The following LHFPL3 variants were observed in gnomAD, a reference collection of about 807,000 sequenced individuals.
LHFPL3 encodes LHFPL tetraspan subfamily member 3 protein.
In LHFPL3, 5 loss-of-function variants were observed where a neutral mutation model predicts 19.3. The observed-to-expected ratio is 0.26, with a 90% CI of 0.14 to 0.54. The LOEUF (loss-of-function observed/expected upper bound fraction) is 0.54. Ranked by LOEUF, LHFPL3 falls within the 20% of genes least tolerant of loss-of-function variation. The pLI is 0.94. For synonymous variants in LHFPL3, 133 were observed against 126.2 expected (o/e 1.05, Z -0.36); for missense variants, 249 against 307.4 (o/e 0.81, Z 1.42).
chr7:104,400,097 T>TC (rs1050161252), intron 1 of LHFPL3, among the ~76,000 whole-genome samples: 5 of 29,148 alleles, frequency 1.7e-4, no homozygotes, highest in African/African-American at 5.7e-4. Flanking sequence ...AGATCAAAAC[T>TC]CCATCTCAAA....
At chr7:104,693,300 T>G (rs1237282895) in intron 1 of LHFPL3, among the ~76,000 whole-genome samples, 1 of 152,174 alleles carries the variant, frequency 6.6e-6, no homozygotes, top group Non-Finnish European at 1.5e-5. Context: ...ACTTTTGGGT[T>G]AATGCTGGAA....
chr7:104,600,001 A>G (rs1425099588), intron 1 of LHFPL3, among the ~76,000 whole-genome samples: 3 of 152,186 alleles, frequency 2.0e-5, no homozygotes, highest in African/African-American at 7.2e-5. Context: ...CCAGCCTTGT[A>G]GCTTCCCCTT....
intron 2 of LHFPL3, chr7:104,798,434 A>G (rs1489224096): frequency 1.3e-5 from 2 of 152,226 alleles, no homozygotes; most frequent in Non-Finnish European, 2.9e-5. Context: ...AAAAATTTTA[A>G]GCATCACATT....
intron 1 of LHFPL3, among the ~76,000 whole-genome samples, chr7:104,666,574 T>G (rs1321801731): frequency 2.5e-5 from 3 of 121,584 alleles, no homozygotes; most frequent in Non-Finnish European, 3.3e-5. Flanking sequence ...CAGGCTGGAG[T>G]GCAGTGGCGG....
chr7:104,869,042 G>A (rs1343916609), intron 2 of LHFPL3, among the ~76,000 whole-genome samples: 1 of 152,130 alleles, frequency 6.6e-6, no homozygotes, highest in African/African-American at 2.4e-5. Flanking sequence ...GCTGAAACTG[G>A]ATCCCTTCCT....
chr7:104,891,164 A>G (rs759512106), intron 2 of LHFPL3, among the ~76,000 whole-genome samples: 7 of 151,650 alleles, frequency 4.6e-5, no homozygotes, highest in Non-Finnish European at 7.4e-5. Context: ...TTGTGTTGCT[A>G]TAACAGAATA....
chr7:104,734,971 G>T (rs1341985510), intron 1 of LHFPL3, among the ~76,000 whole-genome samples: 1 of 152,192 alleles, frequency 6.6e-6, no homozygotes, highest in African/African-American at 2.4e-5. Flanking sequence ...GTTGGAGTTT[G>T]CTGGAAGTCC....
At chr7:104,329,436 C>G (rs1801529200) in intron 1 of LHFPL3, among the ~76,000 whole-genome samples, 2 of 152,240 alleles carry the variant, frequency 1.3e-5, no homozygotes, top group Admixed American at 1.3e-4. Flanking sequence ...CCGGGGCTTT[C>G]GTGAGCCTCC....
intron 1 of LHFPL3, among the ~76,000 whole-genome samples, chr7:104,607,562 G>T (rs1217599338): frequency 6.6e-6 from 1 of 152,090 alleles, no homozygotes; most frequent in Non-Finnish European, 1.5e-5. Flanking sequence ...AAGATCCAGG[G>T]GTTATTGAAA....
intron 2 of LHFPL3, among the ~76,000 whole-genome samples, chr7:104,759,471 A>T (rs1241377060): frequency 6.6e-6 from 1 of 152,104 alleles, no homozygotes; most frequent in Non-Finnish European, 1.5e-5. Flanking sequence ...TATAAATTAA[A>T]TTTTTTTCAT....
intron 2 of LHFPL3, among the ~76,000 whole-genome samples, chr7:104,837,747 T>C (rs1017887220): frequency 2.6e-5 from 4 of 152,180 alleles, no homozygotes; most frequent in Non-Finnish European, 4.4e-5. Context: ...CTGCACCCTA[T>C]AGAAAGTGCC....
At chr7:104,602,753 T>C (rs541252189) in intron 1 of LHFPL3, among the ~76,000 whole-genome samples, 1 of 152,284 alleles carries the variant, frequency 6.6e-6, no homozygotes, top group Admixed American at 6.5e-5. Flanking sequence ...TAAACAGAAA[T>C]GTATTTGGCT....
intron 2 of LHFPL3, chr7:104,896,147 C>G (rs1792354082): frequency 6.6e-6 from 1 of 152,270 alleles, no homozygotes. Flanking sequence ...AAGGCGCTAT[C>G]TCCAAATACA....
At chr7:104,335,672 C>T (rs1250687571) in intron 1 of LHFPL3, among the ~76,000 whole-genome samples, 1 of 151,892 alleles carries the variant, frequency 6.6e-6, no homozygotes, top group East Asian at 1.9e-4. Context: ...TTCTATATTT[C>T]CGTAAGTAAA....
intron 2 of LHFPL3, among the ~76,000 whole-genome samples, chr7:104,882,982 A>G (rs888604959): frequency 1.3e-5 from 2 of 152,220 alleles, no homozygotes; most frequent in Non-Finnish European, 2.9e-5. Context: ...GTCCTGAGCA[A>G]ACCACGCAAT....
chr7:104,431,497 A>G (rs568850399), intron 1 of LHFPL3, among the ~76,000 whole-genome samples: 1 of 152,232 alleles, frequency 6.6e-6, no homozygotes, highest in African/African-American at 2.4e-5. Context: ...AGGACAGTAC[A>G]CTTTTCTCAC....
At chr7:104,458,519 C>A (rs370723458) in intron 1 of LHFPL3, among the ~76,000 whole-genome samples, 6 of 152,008 alleles carry the variant, frequency 3.9e-5, no homozygotes, top group African/African-American at 1.2e-4. Flanking sequence ...GTTACTGTAG[C>A]CTTGTAGTAT....
intron 1 of LHFPL3, among the ~76,000 whole-genome samples, chr7:104,417,091 A>G (rs527898602): frequency 2.6e-5 from 4 of 152,340 alleles, no homozygotes; most frequent in Admixed American, 2.6e-4. Context: ...GACACGTTCA[A>G]ACCATAGGGG....
intron 1 of LHFPL3, among the ~76,000 whole-genome samples, chr7:104,420,730 T>G (rs533839003): frequency 3.6e-4 from 55 of 152,176 alleles, no homozygotes; most frequent in Non-Finnish European, 5.0e-4. Flanking sequence ...CGGCTAATTT[T>G]TGTATTTTTT....
Sources: gnomAD v4.1 joint callset for allele counts (sites outside exome capture counted in the v4.1 genomes callset) on GRCh38, gnomAD v4.1.1 for gene constraint, MANE v1.5 for transcripts, NCBI Gene and HGNC (gene_info 2026-07-23, HGNC 2026-07-21) for gene names.